Variants in MOB3B observed in about 807,000 individuals in gnomAD.
MOB3B encodes MOB kinase activator-like 2B.
In MOB3B, 7 loss-of-function variants were observed where a neutral mutation model predicts 18.7. The observed-to-expected ratio is 0.37, with a 90% CI of 0.21 to 0.70. MOB3B has a LOEUF of 0.70. MOB3B is among the 30% of genes least tolerant of loss of function. MOB3B has a pLI of 0.52. For synonymous variants in MOB3B, 111 were observed against 99.9 expected (o/e 1.11, Z -0.66); for missense variants, 253 against 281.3 (o/e 0.90, Z 0.72).
chr9:27,503,017 C>T (rs996225275), intron 1 of MOB3B, among the ~76,000 whole-genome samples: 2 of 152,108 alleles, frequency 1.3e-5, no homozygotes, highest in African/African-American at 4.8e-5. Context: ...AGGTAGTTTC[C>T]CAAAGCTGTA....
Position 27,418,816 on chromosome 9 carries a change from G to A in MOB3B, c.418+36317C>T, listed in dbSNP as rs181948965. On this transcript the variant is annotated intron_variant, in intron 2 of 3. Transcript: ENST00000262244. ...TCTCACCACTCCTCTTCAGACAAGA[G>A]AAAGAAATAAAGGCCATCCAAATCG... 3.3e-5 allele frequency among the ~76,000 whole-genome samples: 5 copies of A among 152,104 alleles called. No individual in the cohort carries two copies. In the East Asian group the frequency reaches 7.7e-4, roughly 23 times the overall value.
intron 1 of MOB3B, chr9:27,524,540 GC>G: frequency 6.2e-7 from 1 of 1,614,096 alleles, no homozygotes. Context: ...CTTTTGAGTT[GC>G]CCCAAGAGTT....
chr9:27,407,456 A>G (rs929808487), intron 2 of MOB3B, among the ~76,000 whole-genome samples: 17 of 152,116 alleles, frequency 1.1e-4, no homozygotes, highest in Admixed American at 9.2e-4. Flanking sequence ...AATCTTTCAC[A>G]CTCACTGCTT....
chr9:27,472,692 A>G (rs1308988506), intron 1 of MOB3B, among the ~76,000 whole-genome samples: 2 of 151,252 alleles, frequency 1.3e-5, no homozygotes, highest in Non-Finnish European at 3.0e-5. Context: ...AAAAAAAAAA[A>G]AAAAAAAAAA....
At chr9:27,496,253 A>G (rs1485156354) in intron 1 of MOB3B, among the ~76,000 whole-genome samples, 1 of 152,366 alleles carries the variant, frequency 6.6e-6, no homozygotes, top group East Asian at 1.9e-4. Context: ...CAAGTAAACC[A>G]CTATAGCAAA....
intron 2 of MOB3B, among the ~76,000 whole-genome samples, chr9:27,438,302 C>G (rs890324575): frequency 2.0e-5 from 3 of 152,180 alleles, no homozygotes; most frequent in Admixed American, 1.3e-4. Context: ...TGTTCCTACC[C>G]AGGTCTGGGA....
At chr9:27,414,924 C>T (rs1822123097) in intron 2 of MOB3B, among the ~76,000 whole-genome samples, 2 of 151,916 alleles carry the variant, frequency 1.3e-5, no homozygotes, top group Non-Finnish European at 2.9e-5. Context: ...TGCAGTGGTG[C>T]GATCTTGGCT....
At chr9:27,371,746 A>G (rs10121067) in intron 2 of MOB3B, among the ~76,000 whole-genome samples, 6,075 of 152,116 alleles carry the variant, frequency 0.04, 221 homozygotes, top group African/African-American at 0.095. Context: ...AGGAAAGGAA[A>G]AAAGCCTCTC....
chr9:27,329,639 T>C lies in MOB3B; in HGVS notation c.*948A>G, dbSNP rs1820759831. 1 of 152,614 alleles carries C rather than the reference T, an allele frequency of 6.6e-6. No homozygotes were observed. The highest frequency in any genetic ancestry group is 1.5e-5 in the Non-Finnish European group (1 of 68,040). The allele number at this position is 152,614 out of a possible 1,614,324, so 9.5% of individuals were successfully genotyped here. ...AAATAACCAATTGTACTTTTTTCACTGAAATGTTAGTATTATGTAGAGACA... is the reference window on the plus strand; with the variant it reads ...AAATAACCAATTGTACTTTTTTCACCGAAATGTTAGTATTATGTAGAGACA... On this transcript the variant is annotated 3_prime_UTR_variant, in exon 4 of 4. Transcript: ENST00000262244.
At chr9:27,380,404 A>G (rs1217263269) in intron 2 of MOB3B, among the ~76,000 whole-genome samples, 1 of 151,448 alleles carries the variant, frequency 6.6e-6, no homozygotes, top group Non-Finnish European at 1.5e-5. Context: ...ACACCCAGCT[A>G]ATTTTTGTAT....
chr9:27,518,022 G>A (rs1256914548), intron 1 of MOB3B, among the ~76,000 whole-genome samples: 1 of 151,996 alleles, frequency 6.6e-6, no homozygotes, highest in Non-Finnish European at 1.5e-5. Context: ...CCCAACCTCA[G>A]GCATTGTTCA....
At chr9:27,517,647 C>CAGA (rs1554656728) in intron 1 of MOB3B, among the ~76,000 whole-genome samples, 1 of 54,268 alleles carries the variant, frequency 1.8e-5, no homozygotes, top group Non-Finnish European at 3.0e-5. Context: ...GACTCTGTCT[C>CAGA]AAAAAAAAAA....
chr9:27,340,802 T>C (rs1820929615), intron 3 of MOB3B, among the ~76,000 whole-genome samples: 1 of 152,214 alleles, frequency 6.6e-6, no homozygotes, highest in Non-Finnish European at 1.5e-5. Context: ...TGCTCCCCGC[T>C]CCTTTCCTCC....
intron 1 of MOB3B, among the ~76,000 whole-genome samples, chr9:27,478,228 G>GA (rs1819585178): frequency 6.6e-6 from 1 of 152,100 alleles, no homozygotes; most frequent in South Asian, 2.1e-4. Flanking sequence ...TCATAACTCA[G>GA]GACCTACAAG....
intron 1 of MOB3B, among the ~76,000 whole-genome samples, chr9:27,521,570 A>G (rs545018544): frequency 2.6e-5 from 4 of 152,346 alleles, no homozygotes; most frequent in Non-Finnish European, 5.9e-5. Context: ...AAGGCATCGT[A>G]AAAGCAAAAT....
At chr9:27,513,926 T>TG (rs200817555) in intron 1 of MOB3B, among the ~76,000 whole-genome samples, 5,060 of 24,274 alleles carry the variant, frequency 0.21, 284 homozygotes, top group African/African-American at 0.33. Flanking sequence ...GATGGATGGA[T>TG]GGTGGGTGGG....
intron 2 of MOB3B, among the ~76,000 whole-genome samples, chr9:27,391,020 T>C (rs911091461): frequency 6.6e-6 from 1 of 152,184 alleles, no homozygotes. Context: ...AGTTACTCAG[T>C]CTACAGCATT....
intron 1 of MOB3B, among the ~76,000 whole-genome samples, chr9:27,459,014 C>T (rs983682984): frequency 4.0e-5 from 6 of 151,042 alleles, no homozygotes; most frequent in Admixed American, 2.6e-4. Flanking sequence ...CAGGTAGGCC[C>T]CCCCCCATGT....
At chr9:27,338,874 C>T (rs935102558) in intron 3 of MOB3B, among the ~76,000 whole-genome samples, 8 of 152,254 alleles carry the variant, frequency 5.3e-5, no homozygotes, top group African/African-American at 1.9e-4. Context: ...CCTCCCACCC[C>T]GACTCCGGTG....
Sources: allele counts gnomAD v4.1 joint callset (sites outside exome capture counted in the v4.1 genomes callset), GRCh38; gene constraint gnomAD v4.1.1; transcripts MANE v1.5; gene names NCBI Gene and HGNC (gene_info 2026-07-23, HGNC 2026-07-21).